Variants in DIP2C observed in about 807,000 individuals in gnomAD.
The protein encoded by DIP2C is DIP2 acetate--CoA ligase C (putative).
Under a neutral mutation model 192.4 loss-of-function variants are expected in DIP2C, and 33 were observed. That is an observed-to-expected ratio of 0.17 (90% CI 0.13 to 0.23). The LOEUF is 0.23. Ranked by LOEUF, DIP2C falls within the 10% of genes least tolerant of loss-of-function variation. DIP2C has a pLI of 1.00. For missense variants in DIP2C, 1,537 were observed against 2,110.1 expected, an observed-to-expected ratio of 0.73 and a Z score of 5.32; for synonymous variants, 979 against 864.1, an observed-to-expected ratio of 1.13 and a Z score of -2.33.
chr10:644,794 TCAAAAGTA>T (rs1855369532), intron 1 of DIP2C, among the ~76,000 whole-genome samples: 1 of 152,236 alleles, frequency 6.6e-6, no homozygotes. Context: ...CCCCTACTTC[TCAAAAGTA>T]CATGCAGAGG....
intron 10 of DIP2C, among the ~76,000 whole-genome samples, chr10:391,816 T>G (rs1963476844): frequency 6.6e-6 from 1 of 152,212 alleles, no homozygotes; most frequent in South Asian, 2.1e-4. Flanking sequence ...GCTGTGGATC[T>G]TCCCACCTGT....
intron 9 of DIP2C, among the ~76,000 whole-genome samples, chr10:400,008 G>A (rs994296466): frequency 6.6e-6 from 1 of 152,204 alleles, no homozygotes; most frequent in Non-Finnish European, 1.5e-5. Flanking sequence ...TGTGGTTAAT[G>A]TAAATTACCA....
At chr10:650,381 C>T (rs754510136) in intron 1 of DIP2C, 9 of 716,658 alleles carry the variant, frequency 1.3e-5, no homozygotes, top group South Asian at 5.9e-5. Flanking sequence ...CGCCAGCCCA[C>T]GGCAGCCACA....
At chr10:589,714 A>G (rs1477374118) in intron 1 of DIP2C, among the ~76,000 whole-genome samples, 2 of 152,152 alleles carry the variant, frequency 1.3e-5, no homozygotes, top group Non-Finnish European at 2.9e-5. Context: ...CTGGAAGCAA[A>G]AACCACACTA....
At chr10:460,192 G>T (rs1007537710) in intron 3 of DIP2C, among the ~76,000 whole-genome samples, 1 of 152,220 alleles carries the variant, frequency 6.6e-6, no homozygotes, top group Non-Finnish European at 1.5e-5. Context: ...GGGTGGAATG[G>T]GCACAACACA....
At chr10:413,775 C>CA (rs1965343910) in intron 8 of DIP2C, 138 bp downstream of exon 8, 1 of 1,084,994 alleles carries the variant, frequency 9.2e-7, no homozygotes, top group Admixed American at 2.8e-5. Context: ...AGTGGCTGCG[C>CA]GAGGGCGTGG....
chr10:631,057 C>G (rs74115099), intron 1 of DIP2C: 1 of 152,224 alleles, frequency 6.6e-6, no homozygotes, highest in Non-Finnish European at 1.5e-5. Flanking sequence ...CCGCCCCCAT[C>G]TCCTCTGCCC....
At chr10:595,320 T>C (rs1484611041) in intron 1 of DIP2C, among the ~76,000 whole-genome samples, 1 of 152,230 alleles carries the variant, frequency 6.6e-6, no homozygotes, top group African/African-American at 2.4e-5. Flanking sequence ...CCTTTGGTTT[T>C]AATATACAAA....
chr10:477,892 A>AAGGAAAAGAGAGGGAAAGAAAAGAC (rs1461141932), intron 2 of DIP2C, among the ~76,000 whole-genome samples: 1 of 132,496 alleles, frequency 7.5e-6, no homozygotes, highest in African/African-American at 2.9e-5. Flanking sequence ...GAGAGAAGAA[A>AAGGAAAAGAGAGGGAAAGAAAAGAC]AGGAAAAGAG....
At chr10:333,408 CTT>C (rs574048519) in intron 29 of DIP2C, among the ~76,000 whole-genome samples, 220 of 152,348 alleles carry the variant, frequency 1.4e-3, no homozygotes, top group African/African-American at 5.2e-3. Flanking sequence ...CATCATTCTA[CTT>C]TGTTTACAAA....
chr10:366,655 T>C (rs1481255291), intron 18 of DIP2C, among the ~76,000 whole-genome samples: 1 of 149,676 alleles, frequency 6.7e-6, no homozygotes, highest in East Asian at 2.0e-4. Flanking sequence ...TTAATGTTAA[T>C]GCGCAAGTTG....
chr10:522,418 G>C (rs1402811333), intron 1 of DIP2C, among the ~76,000 whole-genome samples: 1 of 152,248 alleles, frequency 6.6e-6, no homozygotes, highest in Non-Finnish European at 1.5e-5. Context: ...GTAAACTTCA[G>C]CTCCTGAGTA....
intron 1 of DIP2C, among the ~76,000 whole-genome samples, chr10:556,310 A>C (rs1415312252): frequency 3.9e-3 from 7 of 1,788 alleles, no homozygotes; most frequent in African/African-American, 5.1e-3. Flanking sequence ...GCACCCACCC[A>C]CCCCCTCCCA....
rs980696976 is a variant in DIP2C at position 499,864 on chromosome 10, T to A, written c.86-13334A>T. Among the ~76,000 whole-genome samples the A allele has an allele frequency of 2.0e-5, 3 of 152,200 alleles. No homozygotes were observed. In the East Asian group the frequency reaches 5.8e-4, roughly 29 times the overall value. ...GTTACCATCTGCCAAATTGTTGACTTTATCATAGAGCAAGCATGGATATGC... is the reference window on the plus strand; with the variant it reads ...GTTACCATCTGCCAAATTGTTGACTATATCATAGAGCAAGCATGGATATGC... On this transcript the variant is annotated intron_variant, in intron 1 of 36. Transcript: ENST00000280886.
Position 511,666 on chromosome 10 carries a change from G to A in DIP2C, c.86-25136C>T, listed in dbSNP as rs372330595. Among the ~76,000 whole-genome samples the A allele has an allele frequency of 1.2e-4, 19 of 152,192 alleles. No homozygotes were observed. The South Asian group carries it at 3.1e-3, about 25-fold the overall frequency. ...CCCCACAAGTCAGTCACCCCTCCAC[G>A]GGGTTCACACCTCTCCAGGCCCTGT... is the stretch of plus-strand genomic sequence containing the variant. On this transcript the variant is annotated intron_variant, in intron 1 of 36. Transcript: ENST00000280886.
chr10:411,898 T>C (rs1033669597), intron 8 of DIP2C, among the ~76,000 whole-genome samples: 1 of 152,258 alleles, frequency 6.6e-6, no homozygotes, highest in Non-Finnish European at 1.5e-5. Flanking sequence ...TGGAAATGTG[T>C]TGCTTTCTTA....
intron 3 of DIP2C, among the ~76,000 whole-genome samples, chr10:465,348 T>TA (rs1470437218): frequency 6.8e-6 from 1 of 147,508 alleles, no homozygotes; most frequent in Non-Finnish European, 1.5e-5. Flanking sequence ...CCCTTCATGC[T>TA]AAAAACTCTC....
chr10:613,136 A>G lies in DIP2C; in HGVS notation c.85+76358T>C, dbSNP rs541711585. Among the ~76,000 whole-genome samples, 139 of 152,176 alleles carry G rather than the reference A, an allele frequency of 9.1e-4. 1 individual carries two copies. The Middle Eastern group carries it at 0.024, about 26-fold the overall frequency. Reference sequence around the variant, plus strand: ...ACTGCCTCGTCTGCAAAAAACAGTCACTCATTTCAGGGGAAATTACCAGAG... The same window carrying G: ...ACTGCCTCGTCTGCAAAAAACAGTCGCTCATTTCAGGGGAAATTACCAGAG... On this transcript the variant is annotated intron_variant, in intron 1 of 36. Transcript: ENST00000280886.
chr10:527,897 C>A (rs943400244), intron 1 of DIP2C, among the ~76,000 whole-genome samples: 1 of 152,184 alleles, frequency 6.6e-6, no homozygotes, highest in South Asian at 2.1e-4. Context: ...CAACATCCAT[C>A]GTCCATCCTC....
Sources: allele counts gnomAD v4.1 joint callset (sites outside exome capture counted in the v4.1 genomes callset), GRCh38; gene constraint gnomAD v4.1.1; transcripts MANE v1.5; gene names NCBI Gene and HGNC (gene_info 2026-07-23, HGNC 2026-07-21).